The following LRP1B variants were observed in gnomAD, a reference collection of about 807,000 sequenced individuals.
The protein encoded by LRP1B is LDL receptor related protein 1B.
LRP1B carries 217 observed loss-of-function variants against 556.6 expected under a neutral mutation model. The ratio of observed to expected loss-of-function variants is 0.39; its 90% CI spans 0.35 to 0.44. The LOEUF is 0.44. Ranked by LOEUF, LRP1B falls within the 20% of genes least tolerant of loss-of-function variation. The pLI, the probability that LRP1B is intolerant of heterozygous loss-of-function variation, is 1.00. For synonymous variants in LRP1B, 2,047 were observed against 1,865.8 expected, an observed-to-expected ratio of 1.10 and a Z score of -2.50; for missense variants, 5,053 against 5,620.8, an observed-to-expected ratio of 0.90 and a Z score of 3.23.
intron 1 of LRP1B, among the ~76,000 whole-genome samples, chr2:141,922,174 A>G (rs1175502978): frequency 6.6e-6 from 1 of 152,218 alleles, no homozygotes; most frequent in African/African-American, 2.4e-5. Context: ...AAAACATATT[A>G]GGCATGCATG....
At chr2:141,139,781 A>ATGTGTGTGTGTG (rs58413685) in intron 7 of LRP1B, among the ~76,000 whole-genome samples, 1 of 148,036 alleles carries the variant, frequency 6.8e-6, no homozygotes, top group African/African-American at 2.5e-5. Flanking sequence ...CATTGGAAAA[A>ATGTGTGTGTGTG]TGTGTGTGTG....
intron 33 of LRP1B, among the ~76,000 whole-genome samples, chr2:140,772,233 T>A (rs1003829386): frequency 2.0e-5 from 3 of 151,538 alleles, no homozygotes; most frequent in African/African-American, 7.2e-5. Flanking sequence ...AACATTAAGA[T>A]GAAATTTTGT....
Position 141,322,619 on chromosome 2 carries a change from C to T in LRP1B, c.344-67978G>A, listed in dbSNP as rs1453284617. ...CTTTGCTGTGAGACTTGAGAGATGA[C>T]GTATTTTCCAATACCCTAAATATCA... On this transcript the variant is annotated intron_variant, in intron 3 of 90. Coordinates refer to ENST00000389484, the MANE Select transcript of LRP1B (RefSeq NM_018557.3). Among the ~76,000 whole-genome samples, 5 of 152,046 alleles carry T rather than the reference C, an allele frequency of 3.3e-5. No homozygotes were observed. The East Asian group carries it at 5.8e-4, about 18-fold the overall frequency.
intron 20 of LRP1B, among the ~76,000 whole-genome samples, chr2:140,927,801 G>A (rs71417115): frequency 0.031 from 4,694 of 150,094 alleles, 78 homozygotes; most frequent in African/African-American, 0.049. Context: ...CTGCCTCCCG[G>A]GTTCAAGTGA....
chr2:140,328,069 G>GTCTA (rs1475093969), intron 79 of LRP1B, among the ~76,000 whole-genome samples: 1 of 151,932 alleles, frequency 6.6e-6, no homozygotes, highest in African/African-American at 2.4e-5. Context: ...AAAAGTTCAT[G>GTCTA]TCTATCTTTA....
chr2:141,191,388 G>A (rs916599547), intron 6 of LRP1B, among the ~76,000 whole-genome samples: 4 of 151,780 alleles, frequency 2.6e-5, no homozygotes, highest in Non-Finnish European at 4.4e-5. Context: ...CCTATCCTAT[G>A]CCTCAAAATA....
chr2:141,594,962 G>T (rs1390057442), intron 2 of LRP1B, among the ~76,000 whole-genome samples: 1 of 151,952 alleles, frequency 6.6e-6, no homozygotes, highest in East Asian at 1.9e-4. Flanking sequence ...TTTTTAACTT[G>T]TAACAATTAC....
intron 3 of LRP1B, among the ~76,000 whole-genome samples, chr2:141,347,417 C>T (rs868086853): frequency 2.6e-4 from 40 of 151,502 alleles, no homozygotes; most frequent in Non-Finnish European, 8.8e-5. Context: ...TTATTTTACC[C>T]ATTGAAACTT....
chr2:141,467,242 T>C (rs114684155), intron 3 of LRP1B, among the ~76,000 whole-genome samples: 4,223 of 151,470 alleles, frequency 0.028, 100 homozygotes, highest in Non-Finnish European at 0.037. Context: ...ACGTGGGTAA[T>C]AGACAGTCAA....
chr2:140,922,989 T>C lies in LRP1B; in HGVS notation c.3295A>G (p.Thr1099Ala), dbSNP rs561368244. The C allele has an allele frequency of 1.2e-6, 2 of 1,612,284 alleles. No individual in the cohort carries two copies. The highest frequency in any genetic ancestry group is 2.7e-5 in the African/African-American group (2 of 74,906). ...NGTIRLCDHK[T>A]KFSCWSTGRC... ...CCTGTACTCCAACAGGAAAACTTGG[T>C]TTTGTGGTCACACAATCGTATGGTA... The change falls in exon 21 of 91, where the codon ACC becomes GCC. Residue 1099 changes from threonine to alanine, a missense_variant. Physicochemically the swap from Thr to Ala is moderately conservative, Grantham distance 58. This residue lies in a region of LRP1B where 3,619 missense variants were observed against 3,931.9 expected (regional missense o/e 0.92). Coordinates refer to ENST00000389484, the MANE Select transcript of LRP1B (RefSeq NM_018557.3).
chr2:141,149,748 G>T (rs1701874507), intron 7 of LRP1B, among the ~76,000 whole-genome samples: 1 of 152,182 alleles, frequency 6.6e-6, no homozygotes, highest in Non-Finnish European at 1.5e-5. Context: ...CTTCAGGAAA[G>T]AACAGGTTCG....
At chr2:140,457,762 A>G (rs1178520894) in intron 60 of LRP1B, 111 bp from the exon 61 acceptor site, 1 of 857,928 alleles carries the variant, frequency 1.2e-6, no homozygotes, top group Non-Finnish European at 1.8e-6. Context: ...CGTGTGAATA[A>G]TTGCTGTGAC....
intron 3 of LRP1B, among the ~76,000 whole-genome samples, chr2:141,429,779 A>T (rs142708703): frequency 0.054 from 8,176 of 152,210 alleles, 296 homozygotes; most frequent in South Asian, 0.13. Context: ...GCTGAGGATA[A>T]TGGCCTCCTG....
At chr2:141,967,226 A>T (rs2105067587) in intron 1 of LRP1B, among the ~76,000 whole-genome samples, 1 of 152,078 alleles carries the variant, frequency 6.6e-6, no homozygotes, top group African/African-American at 2.4e-5. Context: ...AAAATATATG[A>T]TTTAACTCTA....
chr2:140,254,340 ACT>A (rs1022889690), intron 86 of LRP1B, among the ~76,000 whole-genome samples: 8 of 152,048 alleles, frequency 5.3e-5, no homozygotes, highest in African/African-American at 1.7e-4. Flanking sequence ...GCAAAATGTA[ACT>A]CTGATTCTCT....
chr2:141,218,709 T>A (rs578191482), intron 6 of LRP1B, among the ~76,000 whole-genome samples: 5 of 152,268 alleles, frequency 3.3e-5, no homozygotes, highest in Admixed American at 2.0e-4. Flanking sequence ...TCAGTTGATG[T>A]CCAAACTTTA....
intron 2 of LRP1B, among the ~76,000 whole-genome samples, chr2:141,736,307 G>C (rs1023471968): frequency 6.6e-6 from 1 of 152,170 alleles, no homozygotes; most frequent in African/African-American, 2.4e-5. Context: ...AACAAGACAT[G>C]TTGAAGTCTG....
intron 2 of LRP1B, among the ~76,000 whole-genome samples, chr2:141,620,822 A>G (rs1328121560): frequency 6.6e-6 from 1 of 151,918 alleles, no homozygotes; most frequent in Non-Finnish European, 1.5e-5. Flanking sequence ...TAGTTATAGT[A>G]TTGATTTTTT....
At chr2:141,346,176 G>A (rs185507468) in intron 3 of LRP1B, among the ~76,000 whole-genome samples, 1 of 151,636 alleles carries the variant, frequency 6.6e-6, no homozygotes, top group Admixed American at 6.6e-5. Flanking sequence ...TGGGCCTTAA[G>A]CTTTTCACAT....
Sources: allele counts gnomAD v4.1 joint callset (sites outside exome capture counted in the v4.1 genomes callset), GRCh38; gene constraint gnomAD v4.1.1; regional missense constraint gnomAD v4.1.1; transcripts MANE v1.5; gene names NCBI Gene and HGNC (gene_info 2026-07-23, HGNC 2026-07-21).